Variants in SMARCA2 observed in about 807,000 individuals in gnomAD.
The protein encoded by SMARCA2 is SWI/SNF related BAF chromatin remodeling complex subunit ATPase 2.
In SMARCA2, 61 loss-of-function variants were observed where a neutral mutation model predicts 199.8. That is an observed-to-expected ratio of 0.31 (90% CI 0.25 to 0.38). The LOEUF (loss-of-function observed/expected upper bound fraction) is 0.38. Ranked by LOEUF, SMARCA2 falls within the 10% of genes least tolerant of loss-of-function variation. The pLI is 1.00. For synonymous variants in SMARCA2, 935 were observed against 732.0 expected, an observed-to-expected ratio of 1.28 and a Z score of -4.48; for missense variants, 1,344 against 2,012.2, an observed-to-expected ratio of 0.67 and a Z score of 6.35.
At chr9:2,058,495 C>G (rs1439567943) in intron 8 of SMARCA2, 31 bp downstream of exon 8, 3 of 1,593,328 alleles carry the variant, frequency 1.9e-6, no homozygotes, top group Middle Eastern at 1.8e-4. Flanking sequence ...GCCCAGGAAA[C>G]TACTCAACCC....
At chr9:2,188,090 C>A (rs1827613450) in intron 32 of SMARCA2, among the ~76,000 whole-genome samples, 2 of 152,056 alleles carry the variant, frequency 1.3e-5, no homozygotes, top group Admixed American at 6.5e-5. Flanking sequence ...TTTCTAATTA[C>A]ATGTTAATAC....
At chr9:2,162,030 G>A (rs1014952414) in intron 28 of SMARCA2, 127 bp downstream of exon 28, 7 of 675,162 alleles carry the variant, frequency 1.0e-5, no homozygotes, top group Non-Finnish European at 1.7e-5. Flanking sequence ...TGTGTTTTAT[G>A]GCTTTCTCTC....
At chr9:2,065,433 C>A (rs1372164098) in intron 9 of SMARCA2, among the ~76,000 whole-genome samples, 1 of 152,078 alleles carries the variant, frequency 6.6e-6, no homozygotes, top group African/African-American at 2.4e-5. Flanking sequence ...TCTGAAAGTT[C>A]TTTTATCCTG....
intron 2 of SMARCA2, chr9:2,032,388 T>G (rs888426711): frequency 1.3e-5 from 2 of 152,540 alleles, no homozygotes; most frequent in Non-Finnish European, 2.9e-5. Context: ...CTCCTCCCTC[T>G]GTAGTACAGC....
intron 19 of SMARCA2, among the ~76,000 whole-genome samples, chr9:2,094,237 TA>T (rs1393196032): frequency 6.6e-6 from 1 of 152,162 alleles, no homozygotes; most frequent in Non-Finnish European, 1.5e-5. Flanking sequence ...TCCTGTGTAT[TA>T]AATGCCCTAA....
intron 9 of SMARCA2, among the ~76,000 whole-genome samples, chr9:2,068,188 A>T (rs975110634): frequency 3.9e-5 from 6 of 152,188 alleles, no homozygotes; most frequent in African/African-American, 1.2e-4. Context: ...TCTTTTTTGA[A>T]TTCAAGGGTT....
At chr9:2,146,537 C>T (rs1056624881) in intron 27 of SMARCA2, among the ~76,000 whole-genome samples, 1 of 152,086 alleles carries the variant, frequency 6.6e-6, no homozygotes, top group Non-Finnish European at 1.5e-5. Flanking sequence ...GGATCCAGAT[C>T]CCAAGAGAGG....
At chr9:2,082,425 A>G (rs1234067808) in intron 15 of SMARCA2, among the ~76,000 whole-genome samples, 2 of 152,192 alleles carry the variant, frequency 1.3e-5, no homozygotes, top group Non-Finnish European at 2.9e-5. Flanking sequence ...AAAGCAGAAC[A>G]TAAATCAAAA....
chr9:2,070,601 T>G, intron 10 of SMARCA2, 130 bp downstream of exon 10: 1 of 648,810 alleles, frequency 1.5e-6, no homozygotes, highest in Non-Finnish European at 2.7e-6. Context: ...TAGTAATACA[T>G]TAGCATAGTA....
At position 2,169,548 on chromosome 9, in the gene SMARCA2, C is replaced by T. The variant is rs1445914691; in HGVS notation, c.4200-871C>T. 1.3e-5 allele frequency among the ~76,000 whole-genome samples: 2 copies of T among 152,142 alleles called. No individual in the cohort carries two copies. The highest frequency in any genetic ancestry group is 4.8e-5 in the African/African-American group (2 of 41,414). ...TTTGTTTATGGGTTTATGCTTTTCCCTCTCTGCAACACCCCGACCCCACAC... is the reference window on the plus strand; with the variant it reads ...TTTGTTTATGGGTTTATGCTTTTCCTTCTCTGCAACACCCCGACCCCACAC... On this transcript the variant is annotated intron_variant, in intron 28 of 33. Transcript: ENST00000349721. This position sits in a 1 kb window ranked among gnomAD's most constrained non-coding sequence, Gnocchi z 6.5.
In SMARCA2 at chr9:2,100,204, G is replaced by T. The variant is rs190405796; in HGVS notation, c.3079-1366G>T. 1.3e-4 allele frequency among the ~76,000 whole-genome samples: 20 copies of T among 152,310 alleles called. No individual in the cohort carries two copies. The East Asian group carries it at 3.7e-3, about 28-fold the overall frequency. ...GCCATTCCCATAAAGTCAGAATGGA[G>T]AAATGCATGGAGAACAGTCATTTCT... On this transcript the variant is annotated intron_variant, in intron 21 of 33. Coordinates refer to ENST00000349721, the MANE Select transcript of SMARCA2 (RefSeq NM_003070.5).
rs539100971 is a variant in SMARCA2 at position 2,143,590 on chromosome 9, C to A, written c.3982-18096C>A. Among the ~76,000 whole-genome samples, 6 of 152,224 alleles carry A rather than the reference C, an allele frequency of 3.9e-5. No individual in the cohort carries two copies. The East Asian group carries it at 1.2e-3, about 29-fold the overall frequency. On this transcript the variant is annotated intron_variant, in intron 27 of 33. Coordinates refer to ENST00000349721, the MANE Select transcript of SMARCA2 (RefSeq NM_003070.5). ...CAGGGAGACCAGGGGGAAAAGATTG[C>A]TTATGAACTATTTCAGAGGTAAACT...
chr9:2,063,146 C>A (rs567372188), intron 9 of SMARCA2, among the ~76,000 whole-genome samples: 1 of 152,222 alleles, frequency 6.6e-6, no homozygotes, highest in African/African-American at 2.4e-5. Context: ...GGCTCTATTT[C>A]CTTCCAGGGT....
intron 21 of SMARCA2, among the ~76,000 whole-genome samples, chr9:2,100,893 G>A (rs144355019): frequency 2.5e-4 from 38 of 152,272 alleles, no homozygotes; most frequent in African/African-American, 7.7e-4. Flanking sequence ...AGTTCCACAT[G>A]GTTGGGGAGG....
intron 5 of SMARCA2, among the ~76,000 whole-genome samples, chr9:2,052,409 G>C (rs1820160406): frequency 1.3e-5 from 2 of 152,210 alleles, no homozygotes; most frequent in African/African-American, 4.8e-5. Flanking sequence ...CTGGGAGGCG[G>C]AGGTTGCAGT....
intron 27 of SMARCA2, chr9:2,158,978 G>A (rs770242430): frequency 1.2e-6 from 2 of 1,612,004 alleles, no homozygotes; most frequent in Non-Finnish European, 8.5e-7. Flanking sequence ...GGGGAATAAT[G>A]GTCAGTACTT....
intron 29 of SMARCA2, among the ~76,000 whole-genome samples, chr9:2,178,641 C>T (rs1040748485): frequency 1.3e-5 from 2 of 152,138 alleles, no homozygotes; most frequent in Non-Finnish European, 2.9e-5. Context: ...AAAAAAAGCC[C>T]TCGCTCAGCT....
At chr9:2,047,636 G>T in intron 5 of SMARCA2, 152 bp downstream of exon 5, 1 of 936,886 alleles carries the variant, frequency 1.1e-6, no homozygotes, top group Non-Finnish European at 1.4e-6. Context: ...GGGCCTTCCC[G>T]GTGCTGAGGG....
chr9:2,104,366 A>G lies in SMARCA2; in HGVS notation c.3292+197A>G, dbSNP rs1003965127. Among the ~76,000 whole-genome samples, 1 of 152,214 alleles carries G rather than the reference A, an allele frequency of 6.6e-6. No individual in the cohort carries two copies. Among genetic ancestry groups the G allele is most frequent in the Admixed American group, 6.5e-5 (1 of 15,284 alleles). ...GCTGACCTCATTTGTGCAGCTGCAT[A>G]GCCCACAAATAAACCAACACAAATG... On this transcript the variant is annotated intron_variant, in intron 23 of 33. Coordinates refer to ENST00000349721, the MANE Select transcript of SMARCA2 (RefSeq NM_003070.5). This position sits in a 1 kb window ranked among gnomAD's most constrained non-coding sequence, Gnocchi z 4.0.
Sources: gnomAD v4.1 joint callset for allele counts (sites outside exome capture counted in the v4.1 genomes callset) on GRCh38, gnomAD v4.1.1 for gene constraint, Gnocchi (gnomAD v3.1) non-coding constraint, MANE v1.5 for transcripts, NCBI Gene and HGNC (gene_info 2026-07-23, HGNC 2026-07-21) for gene names.